The following WDR1 variants were observed in gnomAD, a reference collection of about 807,000 sequenced individuals.
WDR1 encodes the protein WD repeat domain 1, also known as WD repeat-containing protein 1.
Under a neutral mutation model 71.9 loss-of-function variants are expected in WDR1, and 21 were observed. The ratio of observed to expected loss-of-function variants is 0.29; its 90% CI spans 0.21 to 0.42. The LOEUF is 0.42. Ranked by LOEUF, WDR1 falls within the 10% of genes least tolerant of loss-of-function variation. WDR1 has a pLI of 1.00. For synonymous variants in WDR1, 424 were observed against 347.4 expected, an observed-to-expected ratio of 1.22 and a Z score of -2.45; for missense variants, 696 against 824.5, an observed-to-expected ratio of 0.84 and a Z score of 1.91.
Position 10,075,035 on chromosome 4 carries a change from A to G in WDR1, c.*343T>C. 1 of 377,892 alleles carries G rather than the reference A, an allele frequency of 2.6e-6. No individual in the cohort carries two copies. The highest frequency in any genetic ancestry group is 7.1e-4 in the Middle Eastern group (1 of 1,404). The allele number at this position is 377,892 out of a possible 1,614,324, so 23.4% of individuals were successfully genotyped here. A position where few individuals can be genotyped will look rare whatever the true frequency, so the allele number is the denominator to read the frequency against. ...ACCTGTACAACCTCCCCTGACAGAT[A>G]GTGAGAGCCGCGGCGGGGCCAGGGG... On this transcript the variant is annotated 3_prime_UTR_variant, in exon 15 of 15. Coordinates refer to ENST00000499869, the MANE Select transcript of WDR1 (RefSeq NM_017491.5).
At chr4:10,097,667 C>G in intron 5 of WDR1, 44 bp downstream of exon 5, 2 of 1,582,874 alleles carry the variant, frequency 1.3e-6, no homozygotes, top group Non-Finnish European at 1.7e-6. Context: ...CTGCTAGCCT[C>G]ATGTACAAAC....
At chr4:10,096,776 TGAAAC>T (rs1201809623) in intron 5 of WDR1, among the ~76,000 whole-genome samples, 1 of 133,500 alleles carries the variant, frequency 7.5e-6, no homozygotes, top group Non-Finnish European at 1.6e-5. Context: ...AGGCAGACAG[TGAAAC>T]CACTGACGGT....
intron 2 of WDR1, among the ~76,000 whole-genome samples, chr4:10,106,043 A>T (rs1003774849): frequency 6.8e-6 from 1 of 148,140 alleles, no homozygotes; most frequent in Non-Finnish European, 1.5e-5. Context: ...ATATGAAAGA[A>T]GATTTTAGAA....
chr4:10,099,160 GGGA>G, intron 3 of WDR1, 21 bp from the exon 4 acceptor site: 3 of 1,429,048 alleles, frequency 2.1e-6, no homozygotes, highest in South Asian at 1.2e-5. Flanking sequence ...CAGCGGGCGG[GGGA>G]GGGGGGGAGG....
At chr4:10,092,474 C>T (rs1712056434) in intron 5 of WDR1, 1 of 154,482 alleles carries the variant, frequency 6.5e-6, no homozygotes, top group African/African-American at 2.4e-5. Context: ...TGTGGTTCAC[C>T]TCTGCCGACG....
chr4:10,081,724 T>C (rs1187673296), intron 10 of WDR1, among the ~76,000 whole-genome samples: 1 of 151,596 alleles, frequency 6.6e-6, no homozygotes, highest in African/African-American at 2.4e-5. Flanking sequence ...CCTATTTATC[T>C]GTGGTAAGCC....
chr4:10,104,153 G>GCCTA (rs1712882346), intron 2 of WDR1, among the ~76,000 whole-genome samples, 167 bp from the exon 3 acceptor site: 2 of 152,196 alleles, frequency 1.3e-5, no homozygotes, highest in African/African-American at 4.8e-5. Flanking sequence ...TCTACTGCCT[G>GCCTA]CCTACCTATC....
chr4:10,114,493 C>G (rs1157704780), intron 2 of WDR1, among the ~76,000 whole-genome samples: 3 of 152,196 alleles, frequency 2.0e-5, no homozygotes, highest in Non-Finnish European at 4.4e-5. Flanking sequence ...AGATGCACAG[C>G]AGGTACTTTA....
chr4:10,116,343 C>G, intron 1 of WDR1, 109 bp from the exon 2 acceptor site: 3 of 1,484,982 alleles, frequency 2.0e-6, no homozygotes, highest in Non-Finnish European at 2.7e-6. Context: ...GTTGACTGCG[C>G]CGGGAGGGCG....
rs1172133210 is a variant in WDR1 at position 10,088,274 on chromosome 4, G to A, written c.717+19C>T. 1.9e-6 allele frequency: 3 copies of A among 1,550,656 alleles called. No individual in the cohort carries two copies. Among genetic ancestry groups the A allele is most frequent in the Non-Finnish European group, 2.6e-6 (3 of 1,146,918 alleles). The stretch of plus-strand genomic sequence containing the variant: ...GGCCAAATTCCCACCACTAGGCCGG[G>A]AAACACGCTCATACTCACTGCGTAA... On this transcript the variant is annotated intron_variant, in intron 7 of 14. Transcript: ENST00000499869.
intron 12 of WDR1, 136 bp from the exon 13 acceptor site, chr4:10,078,062 G>C: frequency 9.1e-7 from 1 of 1,098,326 alleles, no homozygotes; most frequent in East Asian, 2.8e-5. Flanking sequence ...CATGCCAGGA[G>C]CTGGGCATGG....
chr4:10,098,945 A>G (rs1261151454), intron 4 of WDR1, 47 bp downstream of exon 4: 6 of 1,611,798 alleles, frequency 3.7e-6, no homozygotes, highest in East Asian at 2.2e-5. Context: ...ACATGGACGC[A>G]TGAGCCACAG....
Position 10,078,923 on chromosome 4 carries a change from G to A in WDR1, c.1363C>T (p.Pro455Ser). Reference sequence around the variant, plus strand: ...CCAATTGCCACCGTGTCCCCGCCGGGGTGCACTGCCACAACTTCGGGCTCG... The same window carrying A: ...CCAATTGCCACCGTGTCCCCGCCGGAGTGCACTGCCACAACTTCGGGCTCG... ...GYEPEVVAVH[P>S]GGDTVAIGGV... Residue 455 changes from proline (P) to serine (S), a missense_variant, in exon 12 of 15, where the codon CCC becomes TCC. Transcript: ENST00000499869. 6.2e-7 allele frequency: 1 copy of A among 1,612,694 alleles called. No homozygotes were observed. Among genetic ancestry groups the A allele is most frequent in the Non-Finnish European group, 8.5e-7 (1 of 1,179,292 alleles).
chr4:10,099,135 C>T lies in WDR1; in HGVS notation c.234G>A (p.Val78=). 1.9e-6 allele frequency: 3 copies of T among 1,560,904 alleles called. No homozygotes were observed. The highest frequency in any genetic ancestry group is 2.6e-6 in the Non-Finnish European group (3 of 1,145,446). Residue 78 remains valine, a synonymous_variant, in exon 4 of 15, where the codon GTG becomes GTA. Transcript: ENST00000499869. ...TATCCCAGATCCTCAGCTTCCCAGA[C>T]ACATCTGTGGGGCACAGCGGGCGGG... ...PSGFYIASGD[V]SGKLRIWDTT... is the part of the protein sequence containing the mutation.
intron 5 of WDR1, among the ~76,000 whole-genome samples, chr4:10,095,579 G>A (rs185297374): frequency 1.0e-3 from 157 of 152,324 alleles, no homozygotes; most frequent in African/African-American, 3.5e-3. Context: ...TCTGGGGTCC[G>A]GAGGGCTTAA....
chr4:10,096,570 G>A (rs1344009982), intron 5 of WDR1: 1 of 103,130 alleles, frequency 9.7e-6, no homozygotes, highest in Non-Finnish European at 2.3e-5. Context: ...CTACGAACGG[G>A]GCATCCTTGG....
chr4:10,103,763 A>AC, intron 3 of WDR1, 133 bp downstream of exon 3: 12 of 409,578 alleles, frequency 2.9e-5, no homozygotes, highest in South Asian at 6.9e-5. Context: ...TCAACTCACC[A>AC]CCCCCAGCCT....
intron 5 of WDR1, among the ~76,000 whole-genome samples, chr4:10,089,283 A>G (rs1711808280): frequency 6.6e-6 from 1 of 152,130 alleles, no homozygotes; most frequent in African/African-American, 2.4e-5. Context: ...TAATTTCTGT[A>G]TTTTTAGTAG....
At chr4:10,079,246 C>T (rs1490285318) in intron 11 of WDR1, among the ~76,000 whole-genome samples, 2 of 152,254 alleles carry the variant, frequency 1.3e-5, no homozygotes, top group Admixed American at 6.5e-5. Flanking sequence ...GTCATCACTA[C>T]ATTACTTCCA....
Sources: gnomAD v4.1 joint callset for allele counts (sites outside exome capture counted in the v4.1 genomes callset) on GRCh38, gnomAD v4.1.1 for gene constraint, MANE v1.5 for transcripts, NCBI Gene and HGNC (gene_info 2026-07-23, HGNC 2026-07-21) for gene names.